The following SIPA1L1 variants were observed in gnomAD, a reference collection of about 807,000 sequenced individuals.
The protein encoded by SIPA1L1 is signal induced proliferation associated 1 like 1.
Under a neutral mutation model 162.7 loss-of-function variants are expected in SIPA1L1, and 26 were observed. That is an observed-to-expected ratio of 0.16 (90% CI 0.12 to 0.22). The LOEUF (loss-of-function observed/expected upper bound fraction) is 0.22. SIPA1L1 is among the 10% of genes least tolerant of loss of function. The probability of loss-of-function intolerance (pLI) is 1.00; values close to 1 mark genes in which losing one functional copy is unlikely to be tolerated. For synonymous variants in SIPA1L1, 829 were observed against 837.4 expected (o/e 0.99, Z 0.17); for missense variants, 1,874 against 2,241.0 (o/e 0.84, Z 3.31).
At chr14:71,695,085 C>G (rs1265814631) in intron 13 of SIPA1L1, among the ~76,000 whole-genome samples, 2 of 152,230 alleles carry the variant, frequency 1.3e-5, no homozygotes, top group Non-Finnish European at 2.9e-5. Flanking sequence ...AGTACCCAGA[C>G]AGGCGGCGGT....
At chr14:71,733,623 C>T in intron 20 of SIPA1L1, 43 bp from the exon 21 acceptor site, 1 of 1,598,444 alleles carries the variant, frequency 6.3e-7, no homozygotes, top group Non-Finnish European at 8.5e-7. Flanking sequence ...AGTGGCTCTT[C>T]CACAGGCACA....
chr14:71,388,687 G>A lies in SIPA1L1; in HGVS notation c.-465+67506G>A, dbSNP rs372399344. 4.6e-5 allele frequency among the ~76,000 whole-genome samples: 7 copies of A among 152,296 alleles called. No homozygotes were observed. In the East Asian group the frequency reaches 9.6e-4, roughly 21 times the overall value. On this transcript the variant is annotated intron_variant, in intron 2 of 23. Transcript: ENST00000381232. ...GAAAATGGTAGAAGCTTAAATACAC[G>A]ATTGCATGAGTGACAGTCTGAAAGT...
At chr14:71,502,037 C>G (rs1353908947) in intron 2 of SIPA1L1, among the ~76,000 whole-genome samples, 1 of 135,174 alleles carries the variant, frequency 7.4e-6, no homozygotes, top group East Asian at 2.0e-4. Flanking sequence ...GACCCTGTTT[C>G]CAAAAAAAAA....
chr14:71,561,770 A>G (rs953069917), intron 4 of SIPA1L1, among the ~76,000 whole-genome samples: 2 of 152,188 alleles, frequency 1.3e-5, no homozygotes, highest in African/African-American at 4.8e-5. Context: ...TATTTTTAGT[A>G]GAGACGGAGT....
intron 19 of SIPA1L1, among the ~76,000 whole-genome samples, chr14:71,728,843 C>T (rs1468386074): frequency 6.6e-6 from 1 of 152,126 alleles, no homozygotes; most frequent in Non-Finnish European, 1.5e-5. Context: ...TGCTCTGTTG[C>T]CTTTCAGGTT....
At chr14:71,626,643 G>A (rs1203728379) in intron 7 of SIPA1L1, among the ~76,000 whole-genome samples, 2 of 152,084 alleles carry the variant, frequency 1.3e-5, no homozygotes, top group South Asian at 2.1e-4. Context: ...CATCTGTGTC[G>A]TCATATTTTA....
chr14:71,671,873 A>G (rs2044555576), intron 11 of SIPA1L1, among the ~76,000 whole-genome samples, 181 bp downstream of exon 11: 1 of 151,680 alleles, frequency 6.6e-6, no homozygotes, highest in Non-Finnish European at 1.5e-5. Flanking sequence ...TCGGAAAAGT[A>G]GAACAAATTG....
intron 4 of SIPA1L1, among the ~76,000 whole-genome samples, chr14:71,543,077 A>C (rs757150547): frequency 6.6e-6 from 1 of 151,606 alleles, no homozygotes; most frequent in Non-Finnish European, 1.5e-5. Context: ...GTGTCTGTAA[A>C]TCTTCTCTGG....
intron 4 of SIPA1L1, among the ~76,000 whole-genome samples, chr14:71,551,653 A>G (rs956059817): frequency 3.9e-5 from 6 of 152,108 alleles, no homozygotes; most frequent in Non-Finnish European, 8.8e-5. Context: ...GGAACCTGCA[A>G]CCTTTCATGT....
At chr14:71,509,524 C>G (rs2050944033) in intron 2 of SIPA1L1, among the ~76,000 whole-genome samples, 1 of 152,146 alleles carries the variant, frequency 6.6e-6, no homozygotes, top group South Asian at 2.1e-4. Context: ...CAGTGGATTG[C>G]TTGAGGTCAG....
intron 4 of SIPA1L1, among the ~76,000 whole-genome samples, chr14:71,542,033 C>T (rs1312694936): frequency 6.6e-6 from 1 of 152,076 alleles, no homozygotes; most frequent in East Asian, 1.9e-4. Flanking sequence ...ATGGATCCAA[C>T]CTGCTAGAGA....
intron 7 of SIPA1L1, among the ~76,000 whole-genome samples, chr14:71,637,096 ATT>A (rs56744567): frequency 2.5e-4 from 35 of 142,610 alleles, no homozygotes; most frequent in Admixed American, 8.4e-4. Flanking sequence ...TTAAAAAAAA[ATT>A]TTTTTTTTTT....
intron 7 of SIPA1L1, among the ~76,000 whole-genome samples, chr14:71,627,459 T>G (rs993774347): frequency 6.6e-6 from 1 of 152,138 alleles, no homozygotes; most frequent in Admixed American, 6.5e-5. Flanking sequence ...CACTACTTAG[T>G]GATGCCCATG....
chr14:71,515,217 T>C (rs1375871479), intron 3 of SIPA1L1, among the ~76,000 whole-genome samples: 1 of 152,244 alleles, frequency 6.6e-6, no homozygotes, highest in Non-Finnish European at 1.5e-5. Flanking sequence ...AAACATTGCT[T>C]TCTGATTTAT....
At chr14:71,528,919 CCTGA>C (rs1265090298) in intron 3 of SIPA1L1, among the ~76,000 whole-genome samples, 1 of 151,902 alleles carries the variant, frequency 6.6e-6, no homozygotes, top group Non-Finnish European at 1.5e-5. Context: ...TCGAGACCAG[CCTGA>C]CTAACATGGA....
chr14:71,436,741 C>CATACCTTAT (rs1445653038), intron 2 of SIPA1L1, among the ~76,000 whole-genome samples: 2 of 150,208 alleles, frequency 1.3e-5, no homozygotes, highest in Non-Finnish European at 3.0e-5. Flanking sequence ...TCCATATAAA[C>CATACCTTAT]TACAGACATA....
At chr14:71,383,666 G>GGGA (rs1427874887) in intron 2 of SIPA1L1, among the ~76,000 whole-genome samples, 10 of 152,290 alleles carry the variant, frequency 6.6e-5, no homozygotes, top group African/African-American at 2.4e-4. Flanking sequence ...GAAAGGGAGA[G>GGGA]GGAGGAGAAG....
chr14:71,439,598 T>C (rs2044673182), intron 2 of SIPA1L1, among the ~76,000 whole-genome samples: 1 of 152,226 alleles, frequency 6.6e-6, no homozygotes, highest in Admixed American at 6.5e-5. Context: ...CTAAGAAAAG[T>C]ATTTGGCTGG....
intron 8 of SIPA1L1, among the ~76,000 whole-genome samples, chr14:71,656,055 CA>C (rs970784100): frequency 6.6e-6 from 1 of 152,062 alleles, no homozygotes; most frequent in African/African-American, 2.4e-5. Flanking sequence ...AGAAAAGTTT[CA>C]TTATTTTAGC....
Sources: allele counts gnomAD v4.1 joint callset (sites outside exome capture counted in the v4.1 genomes callset), GRCh38; gene constraint gnomAD v4.1.1; transcripts MANE v1.5; gene names NCBI Gene and HGNC (gene_info 2026-07-23, HGNC 2026-07-21).